The following SOX5 variants were observed in gnomAD, a reference collection of about 807,000 sequenced individuals.
SOX5 encodes the protein SRY-box transcription factor 5.
Under a neutral mutation model 92.0 loss-of-function variants are expected in SOX5, and 9 were observed. The observed-to-expected ratio is 0.10, with a 90% CI of 0.06 to 0.17. The LOEUF is 0.17. SOX5 is among the 10% of genes least tolerant of loss of function. The probability of loss-of-function intolerance (pLI) is 1.00; values close to 1 mark genes in which losing one functional copy is unlikely to be tolerated. For missense variants in SOX5, 642 were observed against 944.5 expected (o/e 0.68, Z 4.20); for synonymous variants, 344 against 336.3 (o/e 1.02, Z -0.25).
intron 10 of SOX5, among the ~76,000 whole-genome samples, chr12:23,567,175 A>G (rs760404287): frequency 1.3e-5 from 2 of 152,192 alleles, no homozygotes; most frequent in Non-Finnish European, 2.9e-5. Context: ...TGGGCGTCAG[A>G]CCATAAAGGC....
At chr12:23,848,216 C>T (rs1293044250) in intron 2 of SOX5, among the ~76,000 whole-genome samples, 2 of 152,074 alleles carry the variant, frequency 1.3e-5, no homozygotes, top group African/African-American at 2.4e-5. Flanking sequence ...GGGCAGCTGA[C>T]CTTTAATTGC....
intron 4 of SOX5, among the ~76,000 whole-genome samples, chr12:23,981,790 T>C (rs772536608): frequency 6.6e-6 from 1 of 152,182 alleles, no homozygotes; most frequent in African/African-American, 2.4e-5. Context: ...CAATTAATTC[T>C]TCTAAATTCT....
intron 1 of SOX5, among the ~76,000 whole-genome samples, chr12:24,453,886 A>G (rs564858063): frequency 6.6e-6 from 1 of 152,322 alleles, no homozygotes; most frequent in South Asian, 2.1e-4. Flanking sequence ...CTGATTCAGC[A>G]TGACATAATA....
chr12:24,044,460 T>A (rs1193234180), intron 4 of SOX5, among the ~76,000 whole-genome samples: 2 of 152,192 alleles, frequency 1.3e-5, no homozygotes, highest in Non-Finnish European at 2.9e-5. Flanking sequence ...TTAGAAACAT[T>A]CTCACGATAA....
intron 1 of SOX5, among the ~76,000 whole-genome samples, chr12:24,549,980 T>C (rs1952998142): frequency 6.6e-6 from 1 of 152,128 alleles, no homozygotes; most frequent in South Asian, 2.1e-4. Context: ...TTTTGAGGGA[T>C]GACTTAACAG....
intron 2 of SOX5, among the ~76,000 whole-genome samples, chr12:23,870,000 T>C (rs1276157463): frequency 1.3e-5 from 2 of 152,164 alleles, no homozygotes; most frequent in Non-Finnish European, 2.9e-5. Context: ...ATATTAAATA[T>C]TAGCTTAATT....
intron 3 of SOX5, among the ~76,000 whole-genome samples, chr12:24,256,591 T>C (rs536131661): frequency 6.7e-6 from 1 of 149,304 alleles, no homozygotes; most frequent in Admixed American, 6.6e-5. Context: ...ACTGCCTTTC[T>C]TTCACCAAAT....
At position 23,640,915 on chromosome 12, in the gene SOX5, A is replaced by G; in HGVS notation, c.932-18T>C. On this transcript the variant is annotated intron_variant, in intron 7 of 14. Transcript: ENST00000451604. ...AGGGTCACCTAAGTAAGAGAATAAT[A>G]GAGGCGTCAGCACCTTTTATCTACT... The G allele has an allele frequency of 1.3e-6, 2 of 1,547,720 alleles. No individual in the cohort carries two copies. Among genetic ancestry groups the G allele is most frequent in the Non-Finnish European group, 1.8e-6 (2 of 1,123,824 alleles).
intron 2 of SOX5, among the ~76,000 whole-genome samples, chr12:23,888,997 A>G (rs1416619850): frequency 6.6e-6 from 1 of 152,160 alleles, no homozygotes; most frequent in Non-Finnish European, 1.5e-5. Flanking sequence ...ACTGCCTACT[A>G]TCATAATTTT....
At chr12:23,625,393 T>G (rs2077637549) in intron 8 of SOX5, among the ~76,000 whole-genome samples, 1 of 152,234 alleles carries the variant, frequency 6.6e-6, no homozygotes, top group African/African-American at 2.4e-5. Flanking sequence ...TTGGCTTTAT[T>G]AATACAAAGA....
intron 3 of SOX5, among the ~76,000 whole-genome samples, chr12:24,267,101 A>G (rs1219888976): frequency 6.6e-6 from 1 of 152,166 alleles, no homozygotes; most frequent in Non-Finnish European, 1.5e-5. Flanking sequence ...CATGTCTAGG[A>G]TAACACTTGT....
chr12:23,553,335 TTAAAATAGAAA>T (rs1944550937), intron 11 of SOX5, among the ~76,000 whole-genome samples: 1 of 151,996 alleles, frequency 6.6e-6, no homozygotes, highest in Admixed American at 6.6e-5. Context: ...AATTTAGTCC[TTAAAATAGAAA>T]ACCGCTGCCA....
intron 3 of SOX5, among the ~76,000 whole-genome samples, chr12:24,271,981 A>AC (rs200668144): frequency 0.016 from 1,318 of 80,782 alleles, 10 homozygotes; most frequent in Admixed American, 0.036. Flanking sequence ...ACACACACAC[A>AC]AACACACACA....
At position 24,005,335 on chromosome 12, in the gene SOX5, A is replaced by G. The variant is rs559875170; in HGVS notation, c.-1-109311T>C. Among the ~76,000 whole-genome samples the G allele has an allele frequency of 5.9e-5, 9 of 152,330 alleles. No homozygotes were observed. In the South Asian group the frequency reaches 1.9e-3, roughly 32 times the overall value. ...ATTAGAAAGGAAGCATCTATAATATAGAGCATATTTTTTAGTAAAATAGTC... is the reference window on the plus strand; with the variant it reads ...ATTAGAAAGGAAGCATCTATAATATGGAGCATATTTTTTAGTAAAATAGTC... On this transcript the variant is annotated intron_variant, in intron 4 of 4. Transcript: ENST00000446891.
intron 4 of SOX5, among the ~76,000 whole-genome samples, chr12:24,108,207 G>C (rs144353647): frequency 6.6e-6 from 1 of 152,084 alleles, no homozygotes; most frequent in African/African-American, 2.4e-5. Flanking sequence ...CCTAATTGTC[G>C]AATAATTTCC....
chr12:23,625,977 A>G (rs1432683890), intron 8 of SOX5, among the ~76,000 whole-genome samples: 1 of 152,192 alleles, frequency 6.6e-6, no homozygotes, highest in Non-Finnish European at 1.5e-5. Context: ...AAACATAGCT[A>G]GAACTTGAAG....
chr12:23,536,791 C>A, intron 13 of SOX5, 122 bp from the exon 14 acceptor site: 1 of 739,810 alleles, frequency 1.4e-6, no homozygotes, highest in Non-Finnish European at 2.3e-6. Flanking sequence ...AATACATAAA[C>A]CTGTTTTTGA....
rs554892984 is a variant in SOX5 at position 23,989,218 on chromosome 12, C to CAAAAAAAAA, written c.-1-93203_-1-93195dup. Reference sequence around the variant, plus strand: ...CAAAACCCTGTCTCTGCCAAAAATACAAAAAAAAAAAAAAAAAAAAAAAAT... The same window carrying CAAAAAAAAA: ...CAAAACCCTGTCTCTGCCAAAAATACAAAAAAAAAAAAAAAAAAAAAAAAAAAAAAAAAT... On this transcript the variant is annotated intron_variant, in intron 4 of 4. Coordinates refer to the SOX5 transcript ENST00000446891. 5.7e-3 allele frequency among the ~76,000 whole-genome samples: 585 copies of CAAAAAAAAA among 103,186 alleles called. 1 individual carries two copies. The highest frequency in any genetic ancestry group is 9.4e-3 in the East Asian group (28 of 2,976). 67.7% of individuals were successfully genotyped at this position (103,186 alleles called of 152,430 possible).
intron 1 of SOX5, among the ~76,000 whole-genome samples, chr12:23,908,378 C>A (rs1350317535): frequency 6.6e-6 from 1 of 151,788 alleles, no homozygotes; most frequent in Non-Finnish European, 1.5e-5. Flanking sequence ...TATTATGACC[C>A]CCTACCCTCT....
Sources: gnomAD v4.1 joint callset for allele counts (sites outside exome capture counted in the v4.1 genomes callset) on GRCh38, gnomAD v4.1.1 for gene constraint, MANE v1.5 for transcripts, NCBI Gene and HGNC (gene_info 2026-07-23, HGNC 2026-07-21) for gene names.